The following ROR1 variants were observed in gnomAD, a reference collection of about 807,000 sequenced individuals.
The protein encoded by ROR1 is inactive tyrosine-protein kinase transmembrane receptor ROR1.
A neutral mutation model predicts 78.8 loss-of-function variants in ROR1; 19 were observed. That is an observed-to-expected ratio of 0.24 (90% confidence interval 0.17 to 0.35). The LOEUF is 0.35. ROR1 is among the 10% of genes least tolerant of loss of function. The probability of loss-of-function intolerance (pLI) is 1.00; values close to 1 mark genes in which losing one functional copy is unlikely to be tolerated. For missense variants in ROR1, 917 were observed against 1,177.8 expected, an observed-to-expected ratio of 0.78 and a Z score of 3.24; for synonymous variants, 386 against 433.6, an observed-to-expected ratio of 0.89 and a Z score of 1.36.
intron 4 of ROR1, chr1:64,111,208 A>G (rs922578418): frequency 1.3e-5 from 2 of 152,196 alleles, no homozygotes; most frequent in South Asian, 2.1e-4. Flanking sequence ...TTAAAAATAC[A>G]TTTGCTTGTA....
intron 4 of ROR1, among the ~76,000 whole-genome samples, chr1:64,078,260 T>C (rs1245535637): frequency 6.6e-6 from 1 of 152,100 alleles, no homozygotes; most frequent in Admixed American, 6.6e-5. Flanking sequence ...CATGTGAGGG[T>C]CTTGGAAAAA....
chr1:63,994,103 C>G (rs1646317745), intron 1 of ROR1, among the ~76,000 whole-genome samples: 1 of 152,094 alleles, frequency 6.6e-6, no homozygotes, highest in South Asian at 2.1e-4. Context: ...TATTATCAGT[C>G]AGGTTATCAT....
At chr1:63,892,263 G>A (rs1000536738) in intron 1 of ROR1, among the ~76,000 whole-genome samples, 1 of 152,120 alleles carries the variant, frequency 6.6e-6, no homozygotes, top group Non-Finnish European at 1.5e-5. Context: ...AGATGTGTAC[G>A]GGGGAGCTGG....
At chr1:64,086,418 G>A (rs1367879472) in intron 4 of ROR1, among the ~76,000 whole-genome samples, 1 of 152,132 alleles carries the variant, frequency 6.6e-6, no homozygotes, top group Non-Finnish European at 1.5e-5. Context: ...TAAGAGCCGG[G>A]TGCTGGTCTA....
At chr1:64,053,612 T>G (rs890991055) in intron 4 of ROR1, among the ~76,000 whole-genome samples, 2 of 152,228 alleles carry the variant, frequency 1.3e-5, no homozygotes, top group Non-Finnish European at 2.9e-5. Flanking sequence ...GCAACATTGT[T>G]GAATAAAATA....
chr1:63,884,954 C>T (rs540568866), intron 1 of ROR1, among the ~76,000 whole-genome samples: 2 of 152,038 alleles, frequency 1.3e-5, no homozygotes, highest in South Asian at 2.1e-4. Flanking sequence ...TGAATCCAAG[C>T]GCTGCTGCTC....
At chr1:64,038,110 G>T (rs1646717738) in intron 2 of ROR1, among the ~76,000 whole-genome samples, 1 of 152,096 alleles carries the variant, frequency 6.6e-6, no homozygotes, top group Admixed American at 6.5e-5. Flanking sequence ...GATGGGACAG[G>T]TCCCCCCTCC....
chr1:63,825,535 C>T (rs959316276), intron 1 of ROR1, among the ~76,000 whole-genome samples: 5 of 152,240 alleles, frequency 3.3e-5, no homozygotes, highest in Middle Eastern at 3.4e-3. Flanking sequence ...GAATGGTTAG[C>T]GTCACTTCTA....
chr1:64,035,115 G>T (rs1646691836), intron 2 of ROR1, among the ~76,000 whole-genome samples: 1 of 152,154 alleles, frequency 6.6e-6, no homozygotes, highest in African/African-American at 2.4e-5. Context: ...GGAGGCTGTG[G>T]CACACACTAG....
chr1:64,080,879 G>T (rs1236394082), intron 4 of ROR1, among the ~76,000 whole-genome samples: 2 of 152,174 alleles, frequency 1.3e-5, no homozygotes, highest in Non-Finnish European at 2.9e-5. Flanking sequence ...CAAGACGGTG[G>T]TATGAAAGCA....
In ROR1 at chr1:63,886,497, G is replaced by A. The variant is rs999125746; in HGVS notation, c.91+111989G>A. 5.3e-5 allele frequency among the ~76,000 whole-genome samples: 8 copies of A among 152,188 alleles called. No individual in the cohort carries two copies. The South Asian group carries it at 1.7e-3, about 32-fold the overall frequency. On this transcript the variant is annotated intron_variant, in intron 1 of 8. Transcript: ENST00000371079. ...GGATCCGGGAAGGTCTGTGGCACCC[G>A]GTAATTTATAATTCTGCTGAGGCAA...
At chr1:64,010,307 T>C (rs1320132853) in intron 2 of ROR1, among the ~76,000 whole-genome samples, 6 of 152,132 alleles carry the variant, frequency 3.9e-5, no homozygotes, top group Admixed American at 3.3e-4. Context: ...GTTATGGTGA[T>C]TTATATACTT....
intron 1 of ROR1, among the ~76,000 whole-genome samples, chr1:63,867,930 C>T (rs1390245558): frequency 3.3e-5 from 5 of 152,192 alleles, no homozygotes. Context: ...CCGAGCATGG[C>T]CATGTCGTTA....
chr1:64,128,175 C>A (rs866056463), intron 4 of ROR1, among the ~76,000 whole-genome samples: 1 of 150,992 alleles, frequency 6.6e-6, no homozygotes, highest in African/African-American at 2.4e-5. Context: ...CATGGGGAGG[C>A]CAGGTATGGT....
At chr1:64,076,193 AG>A (rs1391257920) in intron 4 of ROR1, among the ~76,000 whole-genome samples, 1 of 152,204 alleles carries the variant, frequency 6.6e-6, no homozygotes, top group Non-Finnish European at 1.5e-5. Flanking sequence ...TGCAAATCAA[AG>A]CCCCAACCTC....
chr1:63,876,680 G>GTGTA (rs1204096988), intron 1 of ROR1, among the ~76,000 whole-genome samples: 1 of 79,516 alleles, frequency 1.3e-5, no homozygotes, highest in Non-Finnish European at 2.2e-5. Context: ...GTGTGTGTGT[G>GTGTA]TGCGCGTGTG....
chr1:64,117,070 A>G (rs1394871247), intron 4 of ROR1, among the ~76,000 whole-genome samples: 1 of 152,204 alleles, frequency 6.6e-6, no homozygotes, highest in Non-Finnish European at 1.5e-5. Flanking sequence ...TGATTGACTA[A>G]GAAAACCAGT....
intron 2 of ROR1, among the ~76,000 whole-genome samples, chr1:64,024,675 TAC>T (rs1362095026): frequency 6.6e-6 from 1 of 152,188 alleles, no homozygotes; most frequent in Non-Finnish European, 1.5e-5. Context: ...AGGTACCTAC[TAC>T]ACAGTGTTCT....
intron 1 of ROR1, among the ~76,000 whole-genome samples, chr1:63,831,291 C>T (rs557326596): frequency 4.9e-4 from 75 of 152,328 alleles, no homozygotes; most frequent in Middle Eastern, 6.8e-3. Flanking sequence ...CCATTTTCCC[C>T]CTCTGCCTGC....
Sources: gnomAD v4.1 joint callset for allele counts (sites outside exome capture counted in the v4.1 genomes callset) on GRCh38, gnomAD v4.1.1 for gene constraint, MANE v1.5 for transcripts, NCBI Gene and HGNC (gene_info 2026-07-23, HGNC 2026-07-21) for gene names.